GALNTL6: variants seen among roughly 807,000 people sequenced by gnomAD.
GALNTL6 encodes polypeptide N-acetylgalactosaminyltransferase like 6.
Under a neutral mutation model 73.7 loss-of-function variants are expected in GALNTL6, and 46 were observed. That is an observed-to-expected ratio of 0.62 (90% CI 0.49 to 0.80). The LOEUF (loss-of-function observed/expected upper bound fraction) is 0.80, where lower values mean the gene tolerates loss of function less well. Among genes scored for constraint, GALNTL6 ranks in the 30% least tolerant of loss-of-function variants. The pLI, the probability that GALNTL6 is intolerant of heterozygous loss-of-function variation, is 0.00. For synonymous variants in GALNTL6, 259 were observed against 263.7 expected, an observed-to-expected ratio of 0.98 and a Z score of 0.17; for missense variants, 604 against 755.0, an observed-to-expected ratio of 0.80 and a Z score of 2.34.
intron 3 of GALNTL6, among the ~76,000 whole-genome samples, chr4:172,247,576 C>T (rs1359492775): frequency 1.3e-5 from 2 of 152,172 alleles, no homozygotes; most frequent in African/African-American, 4.8e-5. Flanking sequence ...TGGGCTTCTA[C>T]ATCTTGCTTT....
chr4:172,834,198 G>C (rs1000037139), intron 7 of GALNTL6, among the ~76,000 whole-genome samples: 1 of 152,204 alleles, frequency 6.6e-6, no homozygotes, highest in Non-Finnish European at 1.5e-5. Context: ...CTCACTCTCT[G>C]TTTGGAGCCT....
intron 8 of GALNTL6, among the ~76,000 whole-genome samples, chr4:172,915,310 C>A (rs564163505): frequency 6.6e-6 from 1 of 152,016 alleles, no homozygotes; most frequent in Non-Finnish European, 1.5e-5. Flanking sequence ...GATGTAAAAT[C>A]AACACCCTAA....
intron 5 of GALNTL6, among the ~76,000 whole-genome samples, chr4:172,735,762 C>T (rs530950470): frequency 6.6e-6 from 1 of 152,208 alleles, no homozygotes; most frequent in African/African-American, 2.4e-5. Flanking sequence ...GGTGGGTTAT[C>T]AGGGGTACCA....
At chr4:172,372,053 C>T (rs1579005522) in intron 5 of GALNTL6, among the ~76,000 whole-genome samples, 1 of 152,212 alleles carries the variant, frequency 6.6e-6, no homozygotes, top group East Asian at 1.9e-4. Flanking sequence ...ACTAGTTCTG[C>T]TAACTGGGCG....
chr4:171,994,461 G>A lies in GALNTL6; in HGVS notation c.138+179743G>A, dbSNP rs75678813. ...CCTAATGAACATGGGTACTCTACAC[G>A]CATATTAAAAAACACTTATTGCTTA... On this transcript the variant is annotated intron_variant, in intron 2 of 12. Coordinates refer to ENST00000506823, the MANE Select transcript of GALNTL6 (RefSeq NM_001034845.3). 4.6e-4 allele frequency among the ~76,000 whole-genome samples: 70 copies of A among 152,090 alleles called. No individual in the cohort carries two copies. In the East Asian group the frequency reaches 8.7e-3, roughly 19 times the overall value.
intron 5 of GALNTL6, among the ~76,000 whole-genome samples, chr4:172,542,681 G>A (rs1252213060): frequency 6.6e-6 from 1 of 152,018 alleles, no homozygotes; most frequent in Non-Finnish European, 1.5e-5. Flanking sequence ...TTGTTTTTCG[G>A]GTTTCTCTGG....
chr4:172,400,984 G>A (rs992135380), intron 5 of GALNTL6, among the ~76,000 whole-genome samples: 3 of 152,016 alleles, frequency 2.0e-5, no homozygotes, highest in Admixed American at 6.6e-5. Context: ...TGAGACAATC[G>A]GAGACTAAAT....
chr4:172,983,917 C>CTT lies in GALNTL6; in HGVS notation c.1372-25261_1372-25260insTT, dbSNP rs554947473. Among the ~76,000 whole-genome samples, 583 of 151,022 alleles carry CTT rather than the reference C, an allele frequency of 3.9e-3. 3 individuals are homozygous for CTT. The highest frequency in any genetic ancestry group is 0.014 in the African/African-American group (556 of 40,766). ...CATTGTTTTTGCCTGAGACATCTCC[C>CTT]GGTTGATTTTTTTTTTTTTAAGGTT... is the stretch of plus-strand genomic sequence containing the variant. On this transcript the variant is annotated intron_variant, in intron 10 of 12. Transcript: ENST00000506823.
rs1373959748 is a variant in GALNTL6, at chr4:172,127,115, CA to C, written c.139-102540del. Among the ~76,000 whole-genome samples, 11 of 152,366 alleles carry C rather than the reference CA, an allele frequency of 7.2e-5. No individual in the cohort carries two copies. In the East Asian group the frequency reaches 1.7e-3, roughly 24 times the overall value. ...AAAGTAACCCCATTCTCCCCAATAGCAGGGCCGCAGTGCAGCCACTGCCACC... is the reference window on the plus strand; with the variant it reads ...AAAGTAACCCCATTCTCCCCAATAGCGGGCCGCAGTGCAGCCACTGCCACC... On this transcript the variant is annotated intron_variant, in intron 2 of 12. Coordinates refer to ENST00000506823, the MANE Select transcript of GALNTL6 (RefSeq NM_001034845.3).
chr4:173,022,094 GGAAGGAAGGAAGGAAA>G (rs1561091751), intron 12 of GALNTL6, among the ~76,000 whole-genome samples: 1 of 100,346 alleles, frequency 1.0e-5, no homozygotes, highest in East Asian at 2.4e-4. Flanking sequence ...AAGGAAAGAA[GGAAGGAAGGAAGGAAA>G]GAAGGAAGGA....
At chr4:172,184,560 A>G (rs1456006205) in intron 2 of GALNTL6, among the ~76,000 whole-genome samples, 1 of 152,226 alleles carries the variant, frequency 6.6e-6, no homozygotes, top group Non-Finnish European at 1.5e-5. Flanking sequence ...TGAAATGATC[A>G]GTTTCTGAGC....
At chr4:172,356,260 T>C (rs2111229725) in intron 5 of GALNTL6, among the ~76,000 whole-genome samples, 1 of 152,336 alleles carries the variant, frequency 6.6e-6, no homozygotes. Flanking sequence ...AACCATTTTA[T>C]GCATGTTGGG....
At chr4:172,034,399 CGTGTGTGT>C (rs1209195765) in intron 2 of GALNTL6, among the ~76,000 whole-genome samples, 39 of 33,450 alleles carry the variant, frequency 1.2e-3, no homozygotes, top group African/African-American at 2.4e-3. Flanking sequence ...AGCGTGCGTG[CGTGTGTGT>C]GTGTGTGTGT....
intron 5 of GALNTL6, among the ~76,000 whole-genome samples, chr4:172,698,152 A>T (rs561814782): frequency 5.4e-4 from 79 of 147,042 alleles, no homozygotes; most frequent in Non-Finnish European, 9.9e-4. Context: ...TACTTGAGAA[A>T]CTCCTCCCCA....
At chr4:172,152,389 A>G (rs942146368) in intron 2 of GALNTL6, among the ~76,000 whole-genome samples, 1 of 152,190 alleles carries the variant, frequency 6.6e-6, no homozygotes, top group African/African-American at 2.4e-5. Flanking sequence ...AACCATTGCC[A>G]TGGAGTTTGT....
intron 7 of GALNTL6, among the ~76,000 whole-genome samples, chr4:172,831,420 T>G (rs750437592): frequency 1.3e-5 from 2 of 152,068 alleles, no homozygotes; most frequent in Non-Finnish European, 2.9e-5. Context: ...CAAATTGATC[T>G]GCCCAAAGGG....
At chr4:172,862,155 C>G (rs911342076) in intron 7 of GALNTL6, among the ~76,000 whole-genome samples, 2 of 152,166 alleles carry the variant, frequency 1.3e-5, no homozygotes, top group Non-Finnish European at 2.9e-5. Flanking sequence ...TTCCTAGAGA[C>G]TTGTTAAATG....
chr4:172,974,556 C>T (rs940534704), intron 10 of GALNTL6, among the ~76,000 whole-genome samples: 22 of 152,134 alleles, frequency 1.4e-4, no homozygotes, highest in African/African-American at 5.3e-4. Flanking sequence ...CAGTAGAGGC[C>T]ACACTGGTGT....
chr4:171,901,998 T>C (rs924339471), intron 2 of GALNTL6, among the ~76,000 whole-genome samples: 2 of 152,210 alleles, frequency 1.3e-5, no homozygotes, highest in Non-Finnish European at 2.9e-5. Flanking sequence ...ATCATTCTGA[T>C]AGTCTTTAAG....
Sources: allele counts gnomAD v4.1 joint callset (sites outside exome capture counted in the v4.1 genomes callset), GRCh38; gene constraint gnomAD v4.1.1; transcripts MANE v1.5; gene names NCBI Gene and HGNC (gene_info 2026-07-23, HGNC 2026-07-21).